Variants in SNX8 observed in about 807,000 individuals in gnomAD.
SNX8 encodes sorting nexin 8.
Under a neutral mutation model 51.6 loss-of-function variants are expected in SNX8, and 25 were observed. The ratio of observed to expected loss-of-function variants is 0.48; its 90% CI spans 0.35 to 0.68. SNX8 has a LOEUF of 0.68. Among genes scored for constraint, SNX8 ranks in the 30% least tolerant of loss-of-function variants. The pLI is 0.00. For missense variants in SNX8, 695 were observed against 624.0 expected (o/e 1.11, Z -1.21); for synonymous variants, 324 against 277.0 (o/e 1.17, Z -1.68).
At chr7:2,321,741 A>G (rs1584738900) in intron 1 of SNX8, among the ~76,000 whole-genome samples, 5 of 65,488 alleles carry the variant, frequency 7.6e-5, no homozygotes, top group African/African-American at 2.6e-4. Flanking sequence ...TTTGAGACAG[A>G]GTCTCACGCT....
At chr7:2,262,852 TC>T (rs1795369921) in intron 7 of SNX8, among the ~76,000 whole-genome samples, 1 of 152,234 alleles carries the variant, frequency 6.6e-6, no homozygotes, top group Non-Finnish European at 1.5e-5. Flanking sequence ...GCACAGTGGC[TC>T]ACGCCTGTAA....
At chr7:2,307,701 T>G (rs1477082580) in intron 1 of SNX8, 2 of 147,306 alleles carry the variant, frequency 1.4e-5, no homozygotes. Context: ...AGGCTCTCCA[T>G]GCACTCTCGG....
chr7:2,302,882 G>T (rs1796435570), intron 1 of SNX8, among the ~76,000 whole-genome samples: 1 of 151,070 alleles, frequency 6.6e-6, no homozygotes, highest in African/African-American at 2.4e-5. Flanking sequence ...CCCCGTCTGA[G>T]AAGTGAGGAG....
chr7:2,305,552 G>A (rs1458601104), intron 1 of SNX8, among the ~76,000 whole-genome samples: 1 of 151,942 alleles, frequency 6.6e-6, no homozygotes, highest in Admixed American at 6.6e-5. Context: ...TTATTAGAGA[G>A]GAGGTTTCAC....
At chr7:2,324,217 G>A (rs1778588265) in intron 1 of SNX8, among the ~76,000 whole-genome samples, 1 of 151,838 alleles carries the variant, frequency 6.6e-6, no homozygotes, top group African/African-American at 2.4e-5. Context: ...GGCCAAGGCA[G>A]GAGGGTTACT....
chr7:2,273,221 G>T (rs945361868), intron 3 of SNX8, among the ~76,000 whole-genome samples: 3 of 151,744 alleles, frequency 2.0e-5, no homozygotes, highest in Non-Finnish European at 4.4e-5. Context: ...GGCTGAGGAG[G>T]GCAGATCACT....
intron 1 of SNX8, among the ~76,000 whole-genome samples, chr7:2,344,435 C>T (rs1778985734): frequency 6.7e-6 from 1 of 148,668 alleles, no homozygotes; most frequent in Non-Finnish European, 1.5e-5. Flanking sequence ...GATGGTGAAA[C>T]CCCGTCTCTA....
intron 7 of SNX8, among the ~76,000 whole-genome samples, chr7:2,259,982 T>C (rs1795295720): frequency 7.0e-6 from 1 of 143,306 alleles, no homozygotes; most frequent in Non-Finnish European, 1.5e-5. Flanking sequence ...GCTGATGAAC[T>C]AAAAAAAACA....
intron 5 of SNX8, among the ~76,000 whole-genome samples, chr7:2,268,522 G>C (rs1464943936): frequency 6.9e-6 from 1 of 145,492 alleles, no homozygotes; most frequent in Admixed American, 6.8e-5. Context: ...CCCCCGCCCG[G>C]CCAGCCGTGC....
At chr7:2,330,374 G>A (rs1036108320) in intron 1 of SNX8, among the ~76,000 whole-genome samples, 1 of 151,806 alleles carries the variant, frequency 6.6e-6, no homozygotes, top group Non-Finnish European at 1.5e-5. Context: ...CCAACCTCAA[G>A]TGATCTGCCC....
At chr7:2,308,442 C>T (rs191858909) in intron 1 of SNX8, among the ~76,000 whole-genome samples, 147 of 151,734 alleles carry the variant, frequency 9.7e-4, no homozygotes, top group African/African-American at 3.3e-3. Flanking sequence ...CTGCAGCGGG[C>T]GGATCACCTG....
chr7:2,273,093 C>G (rs988198548), intron 3 of SNX8, among the ~76,000 whole-genome samples: 1 of 152,072 alleles, frequency 6.6e-6, no homozygotes, highest in African/African-American at 2.4e-5. Flanking sequence ...CTCAGCCTCC[C>G]AAAGTGCTGG....
At chr7:2,312,236 A>G (rs1469914559) in intron 1 of SNX8, among the ~76,000 whole-genome samples, 1 of 152,220 alleles carries the variant, frequency 6.6e-6, no homozygotes, top group East Asian at 1.9e-4. Flanking sequence ...TCAGGTGTAC[A>G]GCGCTCAGAC....
rs547948218 is a variant in SNX8 at position 2,263,434 on chromosome 7, C to A, written c.783-72G>T. ...TCACCTGGCAGTCGAGTCTGGCATC[C>A]CCCCCGACAGATGTCCTCCACGGCA... On this transcript the variant is annotated intron_variant, in intron 6 of 10. Transcript: ENST00000222990. 10 of 1,450,236 alleles carry A rather than the reference C, an allele frequency of 6.9e-6. No individual in the cohort carries two copies. In the African/African-American group the frequency reaches 1.3e-4, roughly 18 times the overall value. 89.8% of individuals were successfully genotyped at this position (1,450,236 alleles called of 1,614,324 possible).
intron 1 of SNX8, among the ~76,000 whole-genome samples, chr7:2,339,048 AC>A (rs1271055707): frequency 6.6e-6 from 1 of 151,966 alleles, no homozygotes; most frequent in Non-Finnish European, 1.5e-5. Flanking sequence ...AGTAGCTAGA[AC>A]CATAGGCACA....
intron 1 of SNX8, among the ~76,000 whole-genome samples, chr7:2,349,900 A>G (rs1288857703): frequency 6.6e-6 from 1 of 152,016 alleles, no homozygotes; most frequent in Non-Finnish European, 1.5e-5. Context: ...AGGCTGGCCC[A>G]TGGTGGACAG....
At chr7:2,334,271 C>T (rs1361830210) in intron 1 of SNX8, among the ~76,000 whole-genome samples, 6 of 151,902 alleles carry the variant, frequency 3.9e-5, no homozygotes, top group Admixed American at 2.6e-4. Flanking sequence ...GGCGTGGTGG[C>T]GGGCACCTGT....
At chr7:2,326,501 T>C (rs1198865218) in intron 1 of SNX8, among the ~76,000 whole-genome samples, 1 of 149,858 alleles carries the variant, frequency 6.7e-6, no homozygotes, top group East Asian at 2.0e-4. Context: ...CCGTCTCTAC[T>C]AAAAATACAA....
At chr7:2,305,269 G>C (rs866118031) in intron 1 of SNX8, among the ~76,000 whole-genome samples, 2 of 152,164 alleles carry the variant, frequency 1.3e-5, no homozygotes, top group Admixed American at 1.3e-4. Context: ...TAAATCCAAC[G>C]GGACTTGGGG....
Sources: allele counts gnomAD v4.1 joint callset (sites outside exome capture counted in the v4.1 genomes callset), GRCh38; gene constraint gnomAD v4.1.1; transcripts MANE v1.5; gene names NCBI Gene and HGNC (gene_info 2026-07-23, HGNC 2026-07-21).